Variants in GRID1 observed in about 807,000 individuals in gnomAD.
GRID1 encodes the protein glutamate receptor ionotropic, delta-1.
In GRID1, 28 loss-of-function variants were observed where a neutral mutation model predicts 98.0. The observed-to-expected ratio is 0.29, with a 90% CI of 0.21 to 0.39. The LOEUF is 0.39. Ranked by LOEUF, GRID1 falls within the 10% of genes least tolerant of loss-of-function variation. The pLI is 1.00. For synonymous variants in GRID1, 553 were observed against 538.5 expected (o/e 1.03, Z -0.37); for missense variants, 1,111 against 1,340.5 (o/e 0.83, Z 2.67).
intron 2 of GRID1, among the ~76,000 whole-genome samples, chr10:86,321,884 C>A (rs188046711): frequency 6.6e-6 from 1 of 152,212 alleles, no homozygotes; most frequent in East Asian, 1.9e-4. Flanking sequence ...GATAGGACAA[C>A]AGAAACCTTC....
chr10:85,668,945 G>GA (rs1205459213), intron 12 of GRID1, among the ~76,000 whole-genome samples: 1 of 151,626 alleles, frequency 6.6e-6, no homozygotes, highest in Non-Finnish European at 1.5e-5. Flanking sequence ...AAGACAGAGA[G>GA]AAAAAAAGTG....
Position 86,138,939 on chromosome 10 carries a change from G to A in GRID1, c.606C>T (p.Ser202=). Residue 202 remains serine (S), a synonymous_variant, in exon 4 of 16, where the codon AGC becomes AGT. Coordinates refer to ENST00000327946, the MANE Select transcript of GRID1 (RefSeq NM_017551.3). The part of the protein sequence containing the change: ...VSLQKVDKNI[S]HVFTSLFTTM... ...TGGTGAAGAGGCTGGTGAATACGTGGCTAATGTTCTTGTCCACCTTTTGTA... is the reference window on the plus strand; with the variant it reads ...TGGTGAAGAGGCTGGTGAATACGTGACTAATGTTCTTGTCCACCTTTTGTA... The A allele has an allele frequency of 6.2e-7, 1 of 1,613,842 alleles. No individual in the cohort carries two copies. Among genetic ancestry groups the A allele is most frequent in the Non-Finnish European group, 8.5e-7 (1 of 1,179,684 alleles).
At chr10:85,608,754 G>A (rs548937989) in intron 15 of GRID1, among the ~76,000 whole-genome samples, 2 of 152,154 alleles carry the variant, frequency 1.3e-5, no homozygotes, top group South Asian at 4.1e-4. Context: ...TGCTAGTGGT[G>A]GCAGCAAGCA....
intron 4 of GRID1, among the ~76,000 whole-genome samples, chr10:86,094,386 C>T (rs539462572): frequency 3.9e-5 from 6 of 152,114 alleles, no homozygotes; most frequent in Admixed American, 6.5e-5. Flanking sequence ...GCATCCAAAT[C>T]GGTCAAGAGG....
chr10:86,109,130 A>G (rs1048726887), intron 4 of GRID1, among the ~76,000 whole-genome samples: 1 of 152,210 alleles, frequency 6.6e-6, no homozygotes, highest in Non-Finnish European at 1.5e-5. Flanking sequence ...TAGATTGAGT[A>G]TATTTCACAA....
intron 13 of GRID1, among the ~76,000 whole-genome samples, chr10:85,625,358 T>G (rs566329541): frequency 7.2e-4 from 109 of 152,392 alleles, no homozygotes; most frequent in African/African-American, 2.4e-3. Flanking sequence ...ACTGGCTCCC[T>G]GATAATACCC....
intron 8 of GRID1, among the ~76,000 whole-genome samples, chr10:85,755,063 G>C (rs1842083616): frequency 6.6e-6 from 1 of 152,124 alleles, no homozygotes; most frequent in Non-Finnish European, 1.5e-5. Context: ...TGGGTTTTTA[G>C]TCTTTTCTTC....
intron 12 of GRID1, among the ~76,000 whole-genome samples, chr10:85,649,411 C>T (rs1843237047): frequency 6.6e-6 from 1 of 151,998 alleles, no homozygotes; most frequent in Non-Finnish European, 1.5e-5. Context: ...CTAATTGAAG[C>T]AAGATGTTCC....
rs559010361 is a variant in GRID1 at position 86,077,196 on chromosome 10, G to A, written c.726+61623C>T. On this transcript the variant is annotated intron_variant, in intron 4 of 15. Coordinates refer to ENST00000327946, the MANE Select transcript of GRID1 (RefSeq NM_017551.3). ...CTCTCACTGTGGGGTGTCATGCTTA[G>A]TGAAGCTTGCTCGTTCCTTTTGTGC... Among the ~76,000 whole-genome samples the A allele has an allele frequency of 5.9e-5, 8 of 136,672 alleles. No individual in the cohort carries two copies. In the South Asian group the frequency reaches 1.4e-3, roughly 23 times the overall value. 89.7% of individuals were successfully genotyped at this position (136,672 alleles called of 152,430 possible).
At chr10:85,606,350 C>A (rs1478222234) in intron 15 of GRID1, 3 of 152,212 alleles carry the variant, frequency 2.0e-5, no homozygotes, top group African/African-American at 7.2e-5. Context: ...ATTAAGAAAT[C>A]CATCCTCTTC....
At position 85,601,971 on chromosome 10, in the gene GRID1, TC is replaced by T; in HGVS notation, c.*301del. The T allele has an allele frequency of 6.9e-6, 2 of 291,814 alleles. No homozygotes were observed. The highest frequency in any genetic ancestry group is 2.6e-4 in the South Asian group (2 of 7,666). The allele number at this position is 291,814 out of a possible 1,614,324, so 18.1% of individuals were successfully genotyped here. A position where few individuals can be genotyped will look rare whatever the true frequency, so the allele number is the denominator to read the frequency against. On this transcript the variant is annotated 3_prime_UTR_variant, in exon 16 of 16. Transcript: ENST00000327946. ...CAGAAAGGCCCAGGAATGGGGGGGC[TC>T]CTTTGGCACTTCAGAATGATCACAA...
intron 13 of GRID1, among the ~76,000 whole-genome samples, chr10:85,642,534 C>T (rs1286035123): frequency 6.6e-6 from 1 of 152,168 alleles, no homozygotes; most frequent in Non-Finnish European, 1.5e-5. Flanking sequence ...ATTTATCTGC[C>T]TCTGCTCAGT....
intron 2 of GRID1, among the ~76,000 whole-genome samples, chr10:86,348,828 A>G (rs543417662): frequency 6.6e-6 from 1 of 152,228 alleles, no homozygotes; most frequent in Non-Finnish European, 1.5e-5. Context: ...GCCTTTAACA[A>G]TGTTAATTTT....
chr10:86,355,670 T>TGCC (rs1848525211), intron 2 of GRID1, among the ~76,000 whole-genome samples: 1 of 152,262 alleles, frequency 6.6e-6, no homozygotes, highest in South Asian at 2.1e-4. Flanking sequence ...CGTGGCCATC[T>TGCC]GCCAGGAAAC....
At chr10:86,095,179 T>C (rs1010085975) in intron 4 of GRID1, among the ~76,000 whole-genome samples, 3 of 152,174 alleles carry the variant, frequency 2.0e-5, no homozygotes, top group African/African-American at 7.2e-5. Flanking sequence ...TGAATCCTCA[T>C]CTATCACCTT....
chr10:85,832,410 T>C (rs1842874577), intron 8 of GRID1, among the ~76,000 whole-genome samples: 1 of 151,950 alleles, frequency 6.6e-6, no homozygotes, highest in African/African-American at 2.4e-5. Flanking sequence ...TCCATGAACA[T>C]AAAGAAATTA....
At chr10:86,136,242 GT>G (rs1241989666) in intron 4 of GRID1, among the ~76,000 whole-genome samples, 1 of 152,212 alleles carries the variant, frequency 6.6e-6, no homozygotes, top group Non-Finnish European at 1.5e-5. Flanking sequence ...GATAGCTCAT[GT>G]TTACTCCAGA....
intron 5 of GRID1, among the ~76,000 whole-genome samples, chr10:85,877,892 T>C (rs1030206101): frequency 6.6e-6 from 1 of 152,022 alleles, no homozygotes; most frequent in Non-Finnish European, 1.5e-5. Context: ...GACAAATGGA[T>C]AACTAGAATA....
chr10:85,992,823 G>A (rs915962342), intron 4 of GRID1, among the ~76,000 whole-genome samples: 12 of 151,788 alleles, frequency 7.9e-5, no homozygotes, highest in Admixed American at 1.3e-4. Context: ...GCATGGTGGC[G>A]TGCACCTGTA....
Sources: allele counts gnomAD v4.1 joint callset (sites outside exome capture counted in the v4.1 genomes callset), GRCh38; gene constraint gnomAD v4.1.1; transcripts MANE v1.5; gene names NCBI Gene and HGNC (gene_info 2026-07-23, HGNC 2026-07-21).